Variants in MACROD2 observed in about 807,000 individuals in gnomAD.
The protein encoded by MACROD2 is ADP-ribose glycohydrolase MACROD2.
Under a neutral mutation model 70.4 loss-of-function variants are expected in MACROD2, and 36 were observed. The ratio of observed to expected loss-of-function variants is 0.51; its 90% confidence interval spans 0.39 to 0.68. The LOEUF (loss-of-function observed/expected upper bound fraction) is 0.68, where lower values mean the gene tolerates loss of function less well. MACROD2 is among the 30% of genes least tolerant of loss of function. The pLI is 0.00. For missense variants in MACROD2, 496 were observed against 538.4 expected, an observed-to-expected ratio of 0.92 and a Z score of 0.78; for synonymous variants, 172 against 178.8, an observed-to-expected ratio of 0.96 and a Z score of 0.30.
chr20:15,093,087 C>G (rs1001177207), intron 5 of MACROD2, among the ~76,000 whole-genome samples: 2 of 152,074 alleles, frequency 1.3e-5, no homozygotes, highest in Non-Finnish European at 2.9e-5. Flanking sequence ...AATATCCCAC[C>G]ATGCCACATA....
At chr20:15,847,999 A>C (rs994862313) in intron 8 of MACROD2, among the ~76,000 whole-genome samples, 20 of 152,194 alleles carry the variant, frequency 1.3e-4, no homozygotes, top group Non-Finnish European at 2.9e-5. Flanking sequence ...CATACCTCAG[A>C]GTATAGCAGA....
At position 14,207,291 on chromosome 20, in the gene MACROD2, G is replaced by A. The variant is rs144172413; in HGVS notation, c.271+121563G>A. Reference sequence around the variant, plus strand: ...TTTTGTGGTTTTTTTTAGTAGAGACGGGGTTTCACCATGTTGGCCAGGATG... The same window carrying A: ...TTTTGTGGTTTTTTTTAGTAGAGACAGGGTTTCACCATGTTGGCCAGGATG... On this transcript the variant is annotated intron_variant, in intron 3 of 17. Transcript: ENST00000684519. Among the ~76,000 whole-genome samples, 46 of 152,060 alleles carry A rather than the reference G, an allele frequency of 3.0e-4. No individual in the cohort carries two copies. In the East Asian group the frequency reaches 8.5e-3, roughly 28 times the overall value.
At chr20:14,729,756 A>T (rs2071572295) in intron 5 of MACROD2, among the ~76,000 whole-genome samples, 1 of 152,168 alleles carries the variant, frequency 6.6e-6, no homozygotes, top group African/African-American at 2.4e-5. Flanking sequence ...TAATTTTATG[A>T]ATAAAGTTAA....
intron 2 of MACROD2, among the ~76,000 whole-genome samples, chr20:14,041,330 T>C (rs1183083615): frequency 6.6e-6 from 1 of 152,138 alleles, no homozygotes; most frequent in Admixed American, 6.5e-5. Context: ...TCTGGATATG[T>C]GATAGTAAAT....
At chr20:15,696,767 T>C (rs13043177) in intron 8 of MACROD2, among the ~76,000 whole-genome samples, 1 of 151,074 alleles carries the variant, frequency 6.6e-6, no homozygotes. Flanking sequence ...TAATTCTTCA[T>C]GATTTAAGCT....
chr20:15,865,461 T>G (rs1558382), intron 9 of MACROD2, among the ~76,000 whole-genome samples: 84,041 of 152,020 alleles, frequency 0.55, 26,134 homozygotes, highest in Non-Finnish European at 0.7. Context: ...CATTCATTTC[T>G]TTACATGGGT....
At chr20:14,040,628 G>C (rs1214508711) in intron 2 of MACROD2, among the ~76,000 whole-genome samples, 1 of 152,190 alleles carries the variant, frequency 6.6e-6, no homozygotes. Context: ...CTCTAAGTGA[G>C]TGAGTGGTGA....
chr20:14,021,280 C>T (rs1474315022), intron 2 of MACROD2, among the ~76,000 whole-genome samples: 6 of 152,158 alleles, frequency 3.9e-5, no homozygotes, highest in East Asian at 3.9e-4. Context: ...TGAGCCACCA[C>T]GCCCAGAGCT....
At chr20:15,120,920 T>A (rs947669513) in intron 5 of MACROD2, among the ~76,000 whole-genome samples, 2 of 152,178 alleles carry the variant, frequency 1.3e-5, no homozygotes, top group African/African-American at 4.8e-5. Context: ...CTGCGTCGTT[T>A]GCTGTCAACC....
At chr20:15,172,062 T>G (rs1480503789) in intron 5 of MACROD2, among the ~76,000 whole-genome samples, 5 of 152,220 alleles carry the variant, frequency 3.3e-5, no homozygotes, top group Non-Finnish European at 5.9e-5. Context: ...ATTTTTTTCT[T>G]AAAAGACCTA....
chr20:16,045,033 C>T (rs752525950), intron 17 of MACROD2, among the ~76,000 whole-genome samples: 1 of 152,160 alleles, frequency 6.6e-6, no homozygotes, highest in Non-Finnish European at 1.5e-5. Context: ...TTAAGCATAA[C>T]ACTCAATCTT....
intron 4 of MACROD2, 73 bp downstream of exon 4, chr20:14,493,581 C>T: frequency 2.1e-5 from 26 of 1,227,542 alleles, no homozygotes; most frequent in Non-Finnish European, 3.1e-5. Context: ...TTAGTAAGTT[C>T]TGTGACACTT....
chr20:15,326,576 T>G (rs1359236810), intron 6 of MACROD2, among the ~76,000 whole-genome samples: 1 of 152,138 alleles, frequency 6.6e-6, no homozygotes, highest in African/African-American at 2.4e-5. Flanking sequence ...AAATGGTATA[T>G]GCTTCTATCT....
At chr20:14,803,380 C>G (rs1366023904) in intron 5 of MACROD2, among the ~76,000 whole-genome samples, 2 of 152,090 alleles carry the variant, frequency 1.3e-5, no homozygotes, top group African/African-American at 4.8e-5. Context: ...TTCTACTTTT[C>G]TTGCCTTTCA....
intron 4 of MACROD2, among the ~76,000 whole-genome samples, chr20:14,497,014 C>T (rs968152686): frequency 2.0e-5 from 3 of 151,752 alleles, no homozygotes; most frequent in African/African-American, 7.3e-5. Flanking sequence ...TTGACTGCCA[C>T]TCCAGGGCTC....
chr20:15,039,788 C>T (rs902944572), intron 5 of MACROD2, among the ~76,000 whole-genome samples: 4 of 151,956 alleles, frequency 2.6e-5, no homozygotes, highest in African/African-American at 7.3e-5. Flanking sequence ...TTATAGCTGG[C>T]GTCCTACACC....
rs562569760 is a variant in MACROD2, at chr20:15,325,329, T to C, written c.540+95268T>C. ...TTTTTAGTTAAGAATATTTACAAAA[T>C]TAAAATTACAAAACCTTGTCCCAGC... On this transcript the variant is annotated intron_variant, in intron 6 of 17. Transcript: ENST00000684519. Among the ~76,000 whole-genome samples the C allele has an allele frequency of 4.6e-5, 7 of 152,274 alleles. No homozygotes were observed. The South Asian group carries it at 1.4e-3, about 32-fold the overall frequency.
chr20:15,434,493 G>A (rs572559637), intron 7 of MACROD2, among the ~76,000 whole-genome samples: 3 of 152,080 alleles, frequency 2.0e-5, no homozygotes, highest in Non-Finnish European at 4.4e-5. Context: ...CTGCAAGAAT[G>A]GCCATAATTA....
chr20:14,540,914 T>C (rs2085424269), intron 4 of MACROD2, among the ~76,000 whole-genome samples: 1 of 152,180 alleles, frequency 6.6e-6, no homozygotes, highest in Non-Finnish European at 1.5e-5. Flanking sequence ...ATAGATTCCA[T>C]TTTTCTGTAT....
Sources: allele counts gnomAD v4.1 joint callset (sites outside exome capture counted in the v4.1 genomes callset), GRCh38; gene constraint gnomAD v4.1.1; transcripts MANE v1.5; gene names NCBI Gene and HGNC (gene_info 2026-07-23, HGNC 2026-07-21).